Variants in TCP11 observed in about 807,000 individuals in gnomAD.
TCP11 encodes t-complex 11.
Under a neutral mutation model 45.0 loss-of-function variants are expected in TCP11, and 34 were observed. That is an observed-to-expected ratio of 0.76 (90% CI 0.57 to 1.01). TCP11 has a LOEUF of 1.01. TCP11 is among the 50% of genes least tolerant of loss of function. The pLI is 0.00. For missense variants in TCP11, 523 were observed against 598.1 expected (o/e 0.87, Z 1.31); for synonymous variants, 227 against 227.0 (o/e 1.00, Z 0.00).
At chr6:35,125,062 A>G (rs1208624188) in intron 4 of TCP11, among the ~76,000 whole-genome samples, 1 of 151,408 alleles carries the variant, frequency 6.6e-6, no homozygotes, top group Non-Finnish European at 1.5e-5. Context: ...GCACACTTGT[A>G]ATCCAGCTAC....
At position 35,141,257 on chromosome 6, in the gene TCP11, CGGCCTGG is replaced by C. The variant is rs1781754474; in HGVS notation, c.-74_-68del. Reference sequence around the variant, plus strand: ...ACTGGCGTCCGCTCGGTGGGCCTCGCGGCCTGGCGGCCTGGAGCGTACCACCGCGGCG... The same window carrying C: ...ACTGGCGTCCGCTCGGTGGGCCTCGCCGGCCTGGAGCGTACCACCGCGGCG... On this transcript the variant is annotated 5_prime_UTR_variant, in exon 1 of 10. Coordinates refer to ENST00000311875, the MANE Select transcript of TCP11 (RefSeq NM_001370687.1). 6 of 183,202 alleles carry C rather than the reference CGGCCTGG, an allele frequency of 3.3e-5. No individual in the cohort carries two copies. Among genetic ancestry groups the C allele is most frequent in the Non-Finnish European group, 6.0e-5 (6 of 100,012 alleles). 11.3% of individuals were successfully genotyped at this position (183,202 alleles called of 1,614,324 possible). A position where few individuals can be genotyped will look rare whatever the true frequency, so the allele number is the denominator to read the frequency against.
At chr6:35,133,434 C>A (rs977271075) in intron 3 of TCP11, among the ~76,000 whole-genome samples, 4 of 152,068 alleles carry the variant, frequency 2.6e-5, no homozygotes, top group Admixed American at 6.5e-5. Flanking sequence ...CCTCCCACCT[C>A]AGCCTCCCAA....
chr6:35,138,543 T>C (rs1374879075), intron 2 of TCP11, among the ~76,000 whole-genome samples: 1 of 144,428 alleles, frequency 6.9e-6, no homozygotes, highest in Non-Finnish European at 1.5e-5. Flanking sequence ...ATTGAACTCA[T>C]GTAGATAGAG....
At chr6:35,122,474 G>T (rs1039529170) in intron 4 of TCP11, 137 bp from the exon 5 acceptor site, 5 of 723,632 alleles carry the variant, frequency 6.9e-6, no homozygotes, top group Non-Finnish European at 1.1e-5. Flanking sequence ...ATTTCCCATG[G>T]AATATTATTT....
rs751971112 is a variant in TCP11 at position 35,120,297 on chromosome 6, T to G, written c.977A>C (p.Gln326Pro). The change falls in exon 8 of 10, where the codon CAG (glutamine) becomes CCG (proline). Residue 326 changes from glutamine to proline, a missense_variant. Coordinates refer to ENST00000311875, the MANE Select transcript of TCP11 (RefSeq NM_001370687.1). This position sits in a 1 kb window ranked among gnomAD's most constrained non-coding sequence, Gnocchi z 4.9. ...DRTRLQELKS[Q>P]LHQLTVMASV... ...GGCCATGACGGTTAACTGGTGCAAC[T>G]GGGACTTCAGCTCCTGCAGCCGGGT... is the stretch of plus-strand genomic sequence containing the variant. 1.2e-6 allele frequency: 2 copies of G among 1,614,104 alleles called. No homozygotes were observed. Among genetic ancestry groups the G allele is most frequent in the South Asian group, 1.1e-5 (1 of 91,088 alleles).
In TCP11 at chr6:35,118,361, T is replaced by A; in HGVS notation, c.1420A>T (p.Asn474Tyr). 1 of 1,614,142 alleles carries A rather than the reference T, an allele frequency of 6.2e-7. No individual in the cohort carries two copies. Among genetic ancestry groups the A allele is most frequent in the Non-Finnish European group, 8.5e-7 (1 of 1,180,020 alleles). Residue 474 changes from asparagine to tyrosine, a missense_variant, in exon 10 of 10, where the codon AAT becomes TAT. Transcript: ENST00000311875. ...TAGTAGGGACCAAACACCTGCTGAT[T>A]GTGATGTGTCAAGTTGACAAACTTT... Reference protein sequence around the residue: ...GQKFVNLTHHNQQVFGPYYTE... With the variant: ...GQKFVNLTHHYQQVFGPYYTE...
At position 35,120,129 on chromosome 6, in the gene TCP11, T is replaced by C; in HGVS notation, c.1115+30A>G. 1 of 1,605,978 alleles carries C rather than the reference T, an allele frequency of 6.2e-7. No homozygotes were observed. The highest frequency in any genetic ancestry group is 8.5e-7 in the Non-Finnish European group (1 of 1,175,934). Reference sequence around the variant, plus strand: ...ATGTTCTAAATACCACATATCACCTTCTACTCTAAAAAGTAACTATGCAGC... The same window carrying C: ...ATGTTCTAAATACCACATATCACCTCCTACTCTAAAAAGTAACTATGCAGC... On this transcript the variant is annotated intron_variant, in intron 8 of 9. Transcript: ENST00000311875. This position sits in a 1 kb window ranked among gnomAD's most constrained non-coding sequence, Gnocchi z 4.9.
rs372743324 is a variant in TCP11, at chr6:35,120,220, G to A, written c.1054C>T (p.Pro352Ser). Residue 352 changes from proline (P) to serine (S), a missense_variant, in exon 8 of 10, where the codon CCC becomes TCC. This residue lies in a region of TCP11 where 298 missense variants were observed against 387.9 expected (regional missense o/e 0.77). Transcript: ENST00000311875. This position sits in a 1 kb window ranked among gnomAD's most constrained non-coding sequence, Gnocchi z 4.9. ...CGTTTCAGTTTATCTACAAATTGGG[G>A]TGAGCCAAACAAAACACTGCCGGAG... is the stretch of plus-strand genomic sequence containing the variant. ...SFSGSVLFGSPQFVDKLKRIT... is the reference protein window; with the variant it reads ...SFSGSVLFGSSQFVDKLKRIT... The A allele has an allele frequency of 4.3e-5, 70 of 1,614,086 alleles. No homozygotes were observed. Among genetic ancestry groups the A allele is most frequent in the Non-Finnish European group, 5.4e-5 (64 of 1,180,038 alleles).
chr6:35,125,856 T>C (rs2127656337), intron 4 of TCP11, among the ~76,000 whole-genome samples: 1 of 152,380 alleles, frequency 6.6e-6, no homozygotes, highest in African/African-American at 2.4e-5. Flanking sequence ...TGATATATGC[T>C]ACAATATGGA....
At position 35,129,581 on chromosome 6, in the gene TCP11, G is replaced by C. The variant is rs142334617; in HGVS notation, c.237-399C>G. On this transcript the variant is annotated intron_variant, in intron 3 of 9. Coordinates refer to ENST00000311875, the MANE Select transcript of TCP11 (RefSeq NM_001370687.1). ...CTCCTGAAATCTAGGAAAGGATATT[G>C]CTTCTTTGAAAATACCAAAGGTCCA... 4.3e-3 allele frequency among the ~76,000 whole-genome samples: 658 copies of C among 152,244 alleles called. 6 individuals are homozygous for C. The highest frequency in any genetic ancestry group is 0.015 in the African/African-American group (625 of 41,536).
intron 3 of TCP11, among the ~76,000 whole-genome samples, chr6:35,131,455 C>G (rs1003869557): frequency 1.3e-5 from 2 of 151,478 alleles, no homozygotes; most frequent in Middle Eastern, 3.2e-3. Flanking sequence ...ATAATCCCAG[C>G]TACTTGGGAG....
intron 3 of TCP11, among the ~76,000 whole-genome samples, chr6:35,133,117 T>C (rs1005242113): frequency 3.9e-5 from 6 of 152,220 alleles, no homozygotes; most frequent in Non-Finnish European, 8.8e-5. Flanking sequence ...GGTGGAAAAT[T>C]AGAACAATTT....
intron 2 of TCP11, among the ~76,000 whole-genome samples, chr6:35,138,278 T>C (rs1781335206): frequency 6.6e-6 from 1 of 152,178 alleles, no homozygotes; most frequent in Non-Finnish European, 1.5e-5. Context: ...CGAAGAGATA[T>C]CTGCACTCCC....
chr6:35,136,300 T>C (rs972960257), intron 2 of TCP11, 82 bp from the exon 3 acceptor site: 20 of 1,024,350 alleles, frequency 2.0e-5, no homozygotes, highest in Non-Finnish European at 2.8e-5. Context: ...AGGCCCCAAA[T>C]TTAGATTAAT....
intron 2 of TCP11, among the ~76,000 whole-genome samples, chr6:35,139,200 A>AC (rs1781446456): frequency 7.0e-6 from 1 of 142,480 alleles, no homozygotes; most frequent in African/African-American, 2.8e-5. Flanking sequence ...CAGCTAGTTT[A>AC]TAAAAAAAAA....
intron 3 of TCP11, among the ~76,000 whole-genome samples, chr6:35,134,503 T>G (rs1038377398): frequency 4.6e-5 from 7 of 151,728 alleles, no homozygotes; most frequent in African/African-American, 1.7e-4. Flanking sequence ...ATGGTCTTGA[T>G]CTCTTGACCT....
At chr6:35,128,997 C>T (rs1581827192) in intron 4 of TCP11, 65 bp downstream of exon 4, 1 of 1,581,200 alleles carries the variant, frequency 6.3e-7, no homozygotes, top group South Asian at 1.2e-5. Context: ...ATTTGCTAGC[C>T]ACTGACACTC....
intron 4 of TCP11, among the ~76,000 whole-genome samples, chr6:35,124,320 T>C (rs954322674): frequency 2.6e-5 from 4 of 152,206 alleles, no homozygotes; most frequent in Non-Finnish European, 4.4e-5. Flanking sequence ...AATGACACTT[T>C]AAGTGTCCAT....
chr6:35,118,993 C>T lies in TCP11; in HGVS notation c.1279+235G>A, dbSNP rs74849019. On this transcript the variant is annotated intron_variant, in intron 9 of 9. Transcript: ENST00000311875. ...GTAGGCCCAAGTGACTTAACCAGGT[C>T]GGCTGGACATATCCCACACCTAGAA... Among the ~76,000 whole-genome samples, 819 of 152,260 alleles carry T rather than the reference C, an allele frequency of 5.4e-3. 6 individuals are homozygous for T. Among genetic ancestry groups the T allele is most frequent in the African/African-American group, 0.019 (781 of 41,528 alleles).
Sources: allele counts gnomAD v4.1 joint callset (sites outside exome capture counted in the v4.1 genomes callset), GRCh38; gene constraint gnomAD v4.1.1; regional missense constraint gnomAD v4.1.1; non-coding constraint Gnocchi (gnomAD v3.1); transcripts MANE v1.5; gene names NCBI Gene and HGNC (gene_info 2026-07-23, HGNC 2026-07-21).